Variants in PXYLP1 observed in about 807,000 individuals in gnomAD.
The protein encoded by PXYLP1 is 2-phosphoxylose phosphatase 1.
A neutral mutation model predicts 37.9 loss-of-function variants in PXYLP1; 17 were observed. The observed-to-expected ratio is 0.45, with a 90% CI of 0.31 to 0.67. The LOEUF (loss-of-function observed/expected upper bound fraction) is 0.67. Among genes scored for constraint, PXYLP1 ranks in the 30% least tolerant of loss-of-function variants. PXYLP1 has a pLI of 0.07. For missense variants in PXYLP1, 511 were observed against 612.0 expected (o/e 0.84, Z 1.74); for synonymous variants, 221 against 232.2 (o/e 0.95, Z 0.44).
rs188534141 is a variant in PXYLP1, at chr3:141,287,533, G to A, written c.505+80G>A. The A allele has an allele frequency of 9.5e-5, 146 of 1,544,424 alleles. 1 individual carries two copies. Among genetic ancestry groups the A allele is most frequent in the South Asian group, 2.0e-4 (16 of 81,518 alleles). On this transcript the variant is annotated intron_variant, in intron 5 of 5. Coordinates refer to ENST00000286353, the MANE Select transcript of PXYLP1 (RefSeq NM_001037172.3). ...TACCTTCCGAGCAGTTCTCCTGGGC[G>A]GGGTGCTGTGCAGCTCAGAGGGGGT...
chr3:141,283,509 G>A (rs560979582), intron 4 of PXYLP1, among the ~76,000 whole-genome samples: 1 of 152,210 alleles, frequency 6.6e-6, no homozygotes, highest in East Asian at 1.9e-4. Context: ...ATGGGGAAAA[G>A]TCAGGAGAGC....
At chr3:141,232,802 C>G (rs1940559864) in intron 1 of PXYLP1, among the ~76,000 whole-genome samples, 1 of 152,210 alleles carries the variant, frequency 6.6e-6, no homozygotes, top group Non-Finnish European at 1.5e-5. Context: ...CATATTTTCC[C>G]GCTTCGGCTG....
chr3:141,239,015 T>G (rs565277273), intron 1 of PXYLP1, among the ~76,000 whole-genome samples: 1 of 151,902 alleles, frequency 6.6e-6, no homozygotes, highest in Admixed American at 6.6e-5. Context: ...CAAATCCGTG[T>G]TGTTCAAGGG....
chr3:141,249,003 G>GC (rs1941080458), intron 1 of PXYLP1, among the ~76,000 whole-genome samples: 1 of 151,880 alleles, frequency 6.6e-6, no homozygotes, highest in South Asian at 2.1e-4. Context: ...ACCCACATCA[G>GC]CCCCTCTGTA....
At chr3:141,253,965 G>A (rs925657005) in intron 1 of PXYLP1, among the ~76,000 whole-genome samples, 3 of 151,548 alleles carry the variant, frequency 2.0e-5, no homozygotes, top group South Asian at 2.1e-4. Context: ...AGGCTGGAAC[G>A]CAGTGGCGCA....
At chr3:141,260,909 C>T (rs1032734246) in intron 2 of PXYLP1, among the ~76,000 whole-genome samples, 1 of 152,242 alleles carries the variant, frequency 6.6e-6, no homozygotes, top group Non-Finnish European at 1.5e-5. Context: ...GGCCCATGGT[C>T]TTCTGAGAGG....
rs1256590852 is a variant in PXYLP1 at position 141,279,380 on chromosome 3, C to A, written c.241C>A (p.His81Asn). Residue 81 changes from histidine to asparagine, a missense_variant and splice_region_variant, in exon 4 of 6, where the codon CAT (histidine) becomes AAT (asparagine). Transcript: ENST00000286353. ...GACAATGTGCTTCTCTCGCGCAGGT[C>A]ATGCCCCGCATCATTTTAAGCTGGT... Reference protein sequence around the residue: ...PSVAERSMEGHAPHHFKLVSV... With the variant: ...PSVAERSMEGNAPHHFKLVSV... 8 of 1,614,188 alleles carry A rather than the reference C, an allele frequency of 5.0e-6. No individual in the cohort carries two copies. Among genetic ancestry groups the A allele is most frequent in the Admixed American group, 1.7e-5 (1 of 60,032 alleles).
At chr3:141,287,258 CTGTT>C (rs999441763) in intron 4 of PXYLP1, 52 bp from the exon 5 acceptor site, 10 of 1,581,962 alleles carry the variant, frequency 6.3e-6, no homozygotes, top group African/African-American at 5.4e-5. Flanking sequence ...AAGCTGGAAA[CTGTT>C]TGGATTCTTG....
intron 2 of PXYLP1, chr3:141,262,829 C>A: frequency 1.2e-6 from 1 of 820,478 alleles, no homozygotes; most frequent in Non-Finnish European, 1.9e-6. Flanking sequence ...TAAGAAACAG[C>A]ACTAATTCAT....
At chr3:141,274,350 C>T (rs563709495) in intron 2 of PXYLP1, 226 of 1,419,822 alleles carry the variant, frequency 1.6e-4, no homozygotes, top group Non-Finnish European at 1.6e-4. Flanking sequence ...CCTGACCAGG[C>T]CTTACGGGAC....
chr3:141,258,156 T>G (rs1410571537), intron 1 of PXYLP1, among the ~76,000 whole-genome samples: 1 of 152,076 alleles, frequency 6.6e-6, no homozygotes, highest in Non-Finnish European at 1.5e-5. Flanking sequence ...TCTGAGGTGA[T>G]GACACAAAAG....
intron 1 of PXYLP1, among the ~76,000 whole-genome samples, chr3:141,237,079 G>C (rs1940676018): frequency 6.6e-6 from 1 of 152,140 alleles, no homozygotes; most frequent in Non-Finnish European, 1.5e-5. Context: ...TGGGACCTTG[G>C]GATGGTTAAA....
chr3:141,276,332 T>C (rs1184511775), intron 2 of PXYLP1, among the ~76,000 whole-genome samples: 1 of 152,248 alleles, frequency 6.6e-6, no homozygotes, highest in Middle Eastern at 3.2e-3. Context: ...TGTGTTATGA[T>C]GGATAACCTT....
At chr3:141,246,851 C>CTGTTTCTCATACA (rs1284905796) in intron 1 of PXYLP1, among the ~76,000 whole-genome samples, 2 of 152,344 alleles carry the variant, frequency 1.3e-5, no homozygotes, top group African/African-American at 4.8e-5. Flanking sequence ...GCCCAGCTGG[C>CTGTTTCTCATACA]TGTTTCTCAT....
At chr3:141,290,907 A>G (rs1441863823) in intron 5 of PXYLP1, among the ~76,000 whole-genome samples, 1 of 152,200 alleles carries the variant, frequency 6.6e-6, no homozygotes, top group Non-Finnish European at 1.5e-5. Context: ...CTAACCAAAT[A>G]AAATAGGCCC....
chr3:141,291,040 G>T (rs1235802320), intron 5 of PXYLP1, among the ~76,000 whole-genome samples: 2 of 152,156 alleles, frequency 1.3e-5, no homozygotes, highest in Admixed American at 1.3e-4. Flanking sequence ...GTTCCTGGGG[G>T]AGTTCTGTTC....
rs771826278 is a variant in PXYLP1 at position 141,292,982 on chromosome 3, T to C, written c.1220T>C (p.Leu407Pro). 3 of 1,614,210 alleles carry C rather than the reference T, an allele frequency of 1.9e-6. No homozygotes were observed. Among genetic ancestry groups the C allele is most frequent in the Non-Finnish European group, 1.7e-6 (2 of 1,180,040 alleles). Reference sequence around the variant, plus strand: ...TTTGCAGCCAGGTTGATCTTTGAGCTTTGGCAAGACAGAGAAAAGCCCAGT... The same window carrying C: ...TTTGCAGCCAGGTTGATCTTTGAGCCTTGGCAAGACAGAGAAAAGCCCAGT... ...PRFAARLIFE[L>P]WQDREKPSEH... Residue 407 changes from leucine (L) to proline (P), a missense_variant, in exon 6 of 6, where the codon CTT becomes CCT. Physicochemically the swap from Leu to Pro is moderately conservative, Grantham distance 98. Transcript: ENST00000286353. This position sits in a 1 kb window ranked among gnomAD's most constrained non-coding sequence, Gnocchi z 4.3.
chr3:141,236,273 T>C (rs925791618), intron 1 of PXYLP1: 1 of 152,198 alleles, frequency 6.6e-6, no homozygotes, highest in African/African-American at 2.4e-5. Flanking sequence ...ATGTTTCAGT[T>C]TACAGGGCAT....
At chr3:141,274,157 C>G in intron 2 of PXYLP1, 1 of 1,018,580 alleles carries the variant, frequency 9.8e-7, no homozygotes, top group Non-Finnish European at 1.2e-6. Flanking sequence ...TGTCTGCCCC[C>G]AGCCCCTGGG....
Sources: allele counts gnomAD v4.1 joint callset (sites outside exome capture counted in the v4.1 genomes callset), GRCh38; gene constraint gnomAD v4.1.1; non-coding constraint Gnocchi (gnomAD v3.1); transcripts MANE v1.5; gene names NCBI Gene and HGNC (gene_info 2026-07-23, HGNC 2026-07-21).